Variants in PCDHGA6 observed in about 807,000 individuals in gnomAD.
PCDHGA6 encodes the protein protocadherin gamma-A6.
Under a neutral mutation model 60.6 loss-of-function variants are expected in PCDHGA6, and 41 were observed. The observed-to-expected ratio is 0.68, with a 90% CI of 0.53 to 0.88. The LOEUF (loss-of-function observed/expected upper bound fraction) is 0.88. Among genes scored for constraint, PCDHGA6 ranks in the 40% least tolerant of loss-of-function variants. The pLI, the probability that PCDHGA6 is intolerant of heterozygous loss-of-function variation, is 0.00. For missense variants in PCDHGA6, 1,312 were observed against 1,203.0 expected, an observed-to-expected ratio of 1.09 and a Z score of -1.34; for synonymous variants, 594 against 524.4, an observed-to-expected ratio of 1.13 and a Z score of -1.81.
intron 1 of PCDHGA6, among the ~76,000 whole-genome samples, chr5:141,407,447 G>A (rs1347838571): frequency 3.9e-5 from 6 of 152,260 alleles, no homozygotes; most frequent in African/African-American, 2.4e-5. Context: ...ACCAGAACAC[G>A]AGGCTCACCA....
intron 1 of PCDHGA6, chr5:141,405,249 G>C: frequency 1.2e-6 from 2 of 1,614,128 alleles, no homozygotes; most frequent in Non-Finnish European, 1.7e-6. Flanking sequence ...TCAAGGAAGA[G>C]TCACCTGATC....
rs70988800 is a variant in PCDHGA6 at position 141,379,889 on chromosome 5, C to CTTTTTTTTTTTTTTTT, written c.2424+3397_2424+3412dup. 2.0e-3 allele frequency among the ~76,000 whole-genome samples: 102 copies of CTTTTTTTTTTTTTTTT among 50,818 alleles called. 16 individuals carry two copies. The highest frequency in any genetic ancestry group is 2.6e-3 in the Non-Finnish European group (66 of 25,878). The allele number at this position is 50,818 out of a possible 152,430, so 33.3% of individuals were successfully genotyped here. On this transcript the variant is annotated intron_variant, in intron 1 of 3. Transcript: ENST00000517434. Reference sequence around the variant, plus strand: ...CTTATTTTATGGTCTGTGAAAGCCTCTTTTTTTTTTTTTTTTTTTTTTTTT... The same window carrying CTTTTTTTTTTTTTTTT: ...CTTATTTTATGGTCTGTGAAAGCCTCTTTTTTTTTTTTTTTTTTTTTTTTTTTTTTTTTTTTTTTTT...
chr5:141,418,430 T>G (rs1331082135), intron 1 of PCDHGA6: 1 of 1,613,908 alleles, frequency 6.2e-7, no homozygotes, highest in South Asian at 1.1e-5. Flanking sequence ...TGGTGGCAAA[T>G]ATCCAGAATT....
intron 1 of PCDHGA6, chr5:141,404,553 C>T: frequency 6.2e-7 from 1 of 1,613,766 alleles, no homozygotes; most frequent in Non-Finnish European, 8.5e-7. Context: ...CAGGTGACGG[C>T]AAGTGACAGT....
At chr5:141,499,698 T>C (rs1312388510) in intron 2 of PCDHGA6, among the ~76,000 whole-genome samples, 2 of 149,810 alleles carry the variant, frequency 1.3e-5, no homozygotes, top group African/African-American at 2.5e-5. Context: ...ACTTTTTTTT[T>C]TTTTTTTTTT....
intron 1 of PCDHGA6, among the ~76,000 whole-genome samples, chr5:141,386,699 G>A (rs2150319335): frequency 6.6e-6 from 1 of 152,226 alleles, no homozygotes; most frequent in Non-Finnish European, 1.5e-5. Context: ...TGGGGTAGAA[G>A]ACAATGTTGC....
At position 141,512,574 on chromosome 5, in the gene PCDHGA6, C is replaced by T. The variant is rs1429371202; in HGVS notation, c.*1401C>T. 6.5e-6 allele frequency: 1 copy of T among 152,884 alleles called. No homozygotes were observed. Among genetic ancestry groups the T allele is most frequent in the Non-Finnish European group, 1.5e-5 (1 of 68,502 alleles). The allele number at this position is 152,884 out of a possible 1,614,324, so 9.5% of individuals were successfully genotyped here. On this transcript the variant is annotated 3_prime_UTR_variant, in exon 4 of 4. Coordinates refer to ENST00000517434, the MANE Select transcript of PCDHGA6 (RefSeq NM_018919.3). ...GTGCATAGACCTTCTTCTCCCACCCCCTTCTGCCCCTGGGTCCCCGGCCAT... is the reference window on the plus strand; with the variant it reads ...GTGCATAGACCTTCTTCTCCCACCCTCTTCTGCCCCTGGGTCCCCGGCCAT...
Position 141,431,682 on chromosome 5 carries a change from A to C in PCDHGA6, c.2424+55175A>C. The C allele has an allele frequency of 1.2e-6, 2 of 1,614,232 alleles. No homozygotes were observed. Among genetic ancestry groups the C allele is most frequent in the Non-Finnish European group, 1.7e-6 (2 of 1,180,042 alleles). ...ACAATATCAACAATAGGGGAGTTGG[A>C]CCACGAGGAGTCAGGATTCTACCAG... On this transcript the variant is annotated intron_variant, in intron 1 of 3. Transcript: ENST00000517434. The surrounding 1 kb of genome is among the most constrained non-coding windows in gnomAD (Gnocchi z 4.8).
chr5:141,388,778 A>G, intron 1 of PCDHGA6: 1 of 1,613,944 alleles, frequency 6.2e-7, no homozygotes, highest in Non-Finnish European at 8.5e-7. Flanking sequence ...ACACCGGGGA[A>G]ATTACTGTTT....
intron 1 of PCDHGA6, chr5:141,398,025 A>T (rs1481347884): frequency 1.4e-6 from 2 of 1,445,136 alleles, no homozygotes; most frequent in Non-Finnish European, 1.8e-6. Flanking sequence ...CTAAACTGGA[A>T]CTGGAACTAA....
intron 1 of PCDHGA6, chr5:141,405,524 A>T (rs1430059160): frequency 7.4e-6 from 5 of 677,158 alleles, no homozygotes; most frequent in Non-Finnish European, 1.2e-5. Context: ...AATTCAAGCG[A>T]TTCTCCTGCC....
intron 1 of PCDHGA6, chr5:141,393,237 A>C (rs1561641299): frequency 6.2e-7 from 1 of 1,613,684 alleles, no homozygotes; most frequent in Non-Finnish European, 8.5e-7. Context: ...AGAAGTAAAA[A>C]TTAACGAAAT....
rs991408001 is a variant in PCDHGA6, at chr5:141,450,171, C to G, written c.2425-44636C>G. Among the ~76,000 whole-genome samples, 5 of 151,690 alleles carry G rather than the reference C, an allele frequency of 3.3e-5. No individual in the cohort carries two copies. In the East Asian group the frequency reaches 7.8e-4, roughly 24 times the overall value. ...ACAGGCATGTGCCACCACACTCCCACCACACCCAGCTAATTTTTGTATTTT... is the reference window on the plus strand; with the variant it reads ...ACAGGCATGTGCCACCACACTCCCAGCACACCCAGCTAATTTTTGTATTTT... On this transcript the variant is annotated intron_variant, in intron 1 of 3. Transcript: ENST00000517434.
Position 141,408,177 on chromosome 5 carries a change from G to A in PCDHGA6, c.2424+31670G>A, listed in dbSNP as rs1359754385. 7.2e-6 allele frequency: 11 copies of A among 1,534,346 alleles called. 1 individual carries two copies. In the South Asian group the frequency reaches 1.3e-4, roughly 19 times the overall value. ...GCACTTTCTCCAACTGGAAAAGCGGGGACCCAGCGAGAACCCGAGCGAACG... is the reference window on the plus strand; with the variant it reads ...GCACTTTCTCCAACTGGAAAAGCGGAGACCCAGCGAGAACCCGAGCGAACG... On this transcript the variant is annotated intron_variant, in intron 1 of 3. Transcript: ENST00000517434.
rs2099750571 is a variant in PCDHGA6, at chr5:141,493,878, T to A, written c.2425-929T>A. On this transcript the variant is annotated intron_variant, in intron 1 of 3. Coordinates refer to ENST00000517434, the MANE Select transcript of PCDHGA6 (RefSeq NM_018919.3). This position sits in a 1 kb window ranked among gnomAD's most constrained non-coding sequence, Gnocchi z 4.3. ...GCCCACCCCAGAACCAGTGAGGAGG[T>A]GGCTCTAGGAGTGCTCCATGAGAGT... is the stretch of plus-strand genomic sequence containing the variant. 6.6e-6 allele frequency among the ~76,000 whole-genome samples: 1 copy of A among 152,072 alleles called. No homozygotes were observed. The highest frequency in any genetic ancestry group is 6.6e-5 in the Admixed American group (1 of 15,264).
At chr5:141,414,899 G>C (rs756810046) in intron 1 of PCDHGA6, 4 of 1,614,182 alleles carry the variant, frequency 2.5e-6, no homozygotes, top group Non-Finnish European at 3.4e-6. Context: ...CCCACAGACG[G>C]TTCCACAGGC....
intron 1 of PCDHGA6, chr5:141,408,522 A>C: frequency 1.2e-6 from 2 of 1,614,026 alleles, no homozygotes; most frequent in Non-Finnish European, 1.7e-6. Flanking sequence ...TTGCAATTGG[A>C]AGCTGTGGTG....
rs778244253 is a variant in PCDHGA6 at position 141,376,253 on chromosome 5, C to G, written c.2170C>G (p.Leu724Val). 3 of 1,614,104 alleles carry G rather than the reference C, an allele frequency of 1.9e-6. No individual in the cohort carries two copies. The African/African-American group carries it at 4.0e-5, about 22-fold the overall frequency. ...ACTGCAGCGCTGGCACAAGTCACGC[C>G]TGCTGCAGGCTTCGGGAGGTGGCTT... The part of the protein sequence containing the change: ...LRLQRWHKSR[L>V]LQASGGGLAS... Residue 724 changes from leucine (L) to valine (V), a missense_variant, in exon 1 of 4, where the codon CTG (leucine) becomes GTG (valine). Leu to Val is a conservative substitution (Grantham distance 32). Transcript: ENST00000517434.
intron 1 of PCDHGA6, chr5:141,399,976 C>CTGCGCACAGGAGAGG: frequency 1.2e-6 from 2 of 1,612,242 alleles, no homozygotes; most frequent in Non-Finnish European, 1.7e-6. Flanking sequence ...CAGCCTGGGG[C>CTGCGCACAGGAGAGG]TGCGCACAGG....
Sources: allele counts gnomAD v4.1 joint callset (sites outside exome capture counted in the v4.1 genomes callset), GRCh38; gene constraint gnomAD v4.1.1; non-coding constraint Gnocchi (gnomAD v3.1); transcripts MANE v1.5; gene names NCBI Gene and HGNC (gene_info 2026-07-23, HGNC 2026-07-21).